The following EVC2 variants were observed in gnomAD, a reference collection of about 807,000 sequenced individuals.
The protein encoded by EVC2 is EvC ciliary complex subunit 2.
In EVC2, 148 loss-of-function variants were observed where a neutral mutation model predicts 149.3. That is an observed-to-expected ratio of 0.99 (90% CI 0.87 to 1.14). The LOEUF is 1.14. Among genes scored for constraint, EVC2 ranks in the 50% most tolerant of loss-of-function variants. The pLI is 0.00. For missense variants in EVC2, 1,854 were observed against 1,627.3 expected (o/e 1.14, Z -2.40); for synonymous variants, 776 against 649.9 (o/e 1.19, Z -2.95).
Position 5,640,470 on chromosome 4 carries a change from T to G in EVC2, c.1470+44A>C. 1.4e-5 allele frequency: 23 copies of G among 1,610,030 alleles called. No homozygotes were observed. Among genetic ancestry groups the G allele is most frequent in the Non-Finnish European group, 1.6e-5 (19 of 1,176,328 alleles). On this transcript the variant is annotated intron_variant, in intron 10 of 21. Coordinates refer to ENST00000344408, the MANE Select transcript of EVC2 (RefSeq NM_147127.5). The surrounding 1 kb of genome is among the most constrained non-coding windows in gnomAD (Gnocchi z 4.6). ...GGTAGATGGATAAATGACAAATCCC[T>G]GAGAGAAAGGGAAGTGAACGCCTTC... is the stretch of plus-strand genomic sequence containing the variant.
In EVC2 at chr4:5,590,863, T is replaced by C. The variant is rs572162775; in HGVS notation, c.2830-6013A>G. Among the ~76,000 whole-genome samples, 607 of 152,278 alleles carry C rather than the reference T, an allele frequency of 4.0e-3. 7 individuals carry two copies. The highest frequency in any genetic ancestry group is 0.014 in the African/African-American group (582 of 41,576). ...GCCTCCCCAGCCCTCAGGAAACTTA[T>C]AGTCATGGCAGAAGGGGAAGCAAAC... is the stretch of plus-strand genomic sequence containing the variant. On this transcript the variant is annotated intron_variant, in intron 16 of 21. Coordinates refer to ENST00000344408, the MANE Select transcript of EVC2 (RefSeq NM_147127.5).
intron 17 of EVC2, among the ~76,000 whole-genome samples, chr4:5,577,114 G>C (rs1722978029): frequency 6.6e-6 from 1 of 152,202 alleles, no homozygotes; most frequent in Non-Finnish European, 1.5e-5. Flanking sequence ...CAATCCTTCA[G>C]AATACATACT....
intron 9 of EVC2, among the ~76,000 whole-genome samples, chr4:5,662,505 T>C (rs182564893): frequency 0.066 from 9,482 of 143,216 alleles, 419 homozygotes; most frequent in African/African-American, 0.12. Flanking sequence ...ATTAAATATA[T>C]TAAATATAAT....
intron 7 of EVC2, among the ~76,000 whole-genome samples, chr4:5,667,247 G>C (rs1415136902): frequency 6.6e-6 from 1 of 151,804 alleles, no homozygotes; most frequent in African/African-American, 2.4e-5. Context: ...AAATCCTCCA[G>C]AATTTTATTT....
chr4:5,643,288 A>G (rs1223286140), intron 9 of EVC2, among the ~76,000 whole-genome samples: 2 of 152,226 alleles, frequency 1.3e-5, no homozygotes, highest in African/African-American at 4.8e-5. Context: ...GGAAAGCAAC[A>G]TTCTTATCAT....
At chr4:5,592,617 A>G (rs1712915036) in intron 16 of EVC2, among the ~76,000 whole-genome samples, 1 of 152,252 alleles carries the variant, frequency 6.6e-6, no homozygotes, top group South Asian at 2.1e-4. Context: ...GGTGATCAGC[A>G]GCTTCCCGAT....
At chr4:5,685,544 A>C (rs1429894288) in intron 5 of EVC2, 65 bp from the exon 6 acceptor site, 109 of 1,307,966 alleles carry the variant, frequency 8.3e-5, no homozygotes, top group Non-Finnish European at 1.2e-4. Flanking sequence ...GCACCCCACC[A>C]CACCCCAGAC....
intron 16 of EVC2, among the ~76,000 whole-genome samples, chr4:5,596,912 T>A (rs1201034260): frequency 1.3e-5 from 2 of 152,132 alleles, no homozygotes; most frequent in Non-Finnish European, 2.9e-5. Flanking sequence ...AAATACAAAC[T>A]ACCATCAGAG....
intron 16 of EVC2, among the ~76,000 whole-genome samples, chr4:5,602,291 T>TAAAAAAAAAAAAAAAAA (rs571933194): frequency 3.7e-5 from 3 of 81,712 alleles, no homozygotes; most frequent in Non-Finnish European, 7.1e-5. Flanking sequence ...CATTGCCTCT[T>TAAAAAAAAAAAAAAAAA]AAAAAAAAAA....
chr4:5,604,715 C>T (rs1223740432), intron 16 of EVC2, among the ~76,000 whole-genome samples: 1 of 152,106 alleles, frequency 6.6e-6, no homozygotes, highest in Non-Finnish European at 1.5e-5. Flanking sequence ...TCCCAACACA[C>T]AGAAATGATA....
chr4:5,592,344 G>C (rs916134892), intron 16 of EVC2, among the ~76,000 whole-genome samples: 1 of 152,182 alleles, frequency 6.6e-6, no homozygotes, highest in African/African-American at 2.4e-5. Context: ...TTGGAGAAAA[G>C]TGGGCCAAGG....
Position 5,686,127 on chromosome 4 carries a change from C to G in EVC2, c.707-648G>C. On this transcript the variant is annotated intron_variant, in intron 5 of 21. Coordinates refer to ENST00000344408, the MANE Select transcript of EVC2 (RefSeq NM_147127.5). This position sits in a 1 kb window ranked among gnomAD's most constrained non-coding sequence, Gnocchi z 5.4. ...ACACACACACACACACACACACACA[C>G]AGAGTAAAGAAAAGAGGAGGAACGC... Among the ~76,000 whole-genome samples the G allele has an allele frequency of 6.7e-6, 1 of 149,660 alleles. No homozygotes were observed. Among genetic ancestry groups the G allele is most frequent in the African/African-American group, 2.5e-5 (1 of 40,224 alleles).
At chr4:5,646,182 C>T (rs1482057662) in intron 9 of EVC2, among the ~76,000 whole-genome samples, 2 of 152,194 alleles carry the variant, frequency 1.3e-5, no homozygotes, top group South Asian at 2.1e-4. Context: ...CCACCTCCCT[C>T]GGTCTCCCAA....
At chr4:5,662,958 A>T in intron 9 of EVC2, 149 bp downstream of exon 9, 1 of 1,048,234 alleles carries the variant, frequency 9.5e-7, no homozygotes, top group East Asian at 2.7e-5. Context: ...GATGCCAAAC[A>T]TTCAGTGCAT....
chr4:5,697,450 A>C, intron 2 of EVC2, 143 bp downstream of exon 2: 1 of 801,992 alleles, frequency 1.2e-6, no homozygotes, highest in Non-Finnish European at 2.1e-6. Context: ...TAGTTCTGTA[A>C]GGTCAGGGAA....
At chr4:5,672,500 C>A (rs1286708956) in intron 7 of EVC2, among the ~76,000 whole-genome samples, 1 of 152,172 alleles carries the variant, frequency 6.6e-6, no homozygotes, top group African/African-American at 2.4e-5. Context: ...TGAAAAGAGG[C>A]TGCAGGAGGC....
At chr4:5,700,139 C>CA (rs535514060) in intron 1 of EVC2, among the ~76,000 whole-genome samples, 32 of 151,270 alleles carry the variant, frequency 2.1e-4, no homozygotes, top group South Asian at 1.0e-3. Flanking sequence ...GACTCCGTCT[C>CA]AAAAAAAATA....
chr4:5,646,766 C>G (rs1717751967), intron 9 of EVC2, among the ~76,000 whole-genome samples: 1 of 152,124 alleles, frequency 6.6e-6, no homozygotes, highest in Non-Finnish European at 1.5e-5. Context: ...AGAATCTGAG[C>G]TTTAGTTAAC....
chr4:5,544,517 G>A (rs1214324673), intron 21 of EVC2, among the ~76,000 whole-genome samples: 1 of 152,178 alleles, frequency 6.6e-6, no homozygotes, highest in Non-Finnish European at 1.5e-5. Flanking sequence ...AATCAGTGCA[G>A]GAGTCAGAGA....
Sources: allele counts gnomAD v4.1 joint callset (sites outside exome capture counted in the v4.1 genomes callset), GRCh38; gene constraint gnomAD v4.1.1; non-coding constraint Gnocchi (gnomAD v3.1); transcripts MANE v1.5; gene names NCBI Gene and HGNC (gene_info 2026-07-23, HGNC 2026-07-21).